The following NDUFAF5 variants were observed in gnomAD, a reference collection of about 807,000 sequenced individuals.
NDUFAF5 encodes arginine-hydroxylase NDUFAF5, mitochondrial.
NDUFAF5 carries 34 observed loss-of-function variants against 48.9 expected under a neutral mutation model. That is an observed-to-expected ratio of 0.70 (90% CI 0.53 to 0.93). The LOEUF (loss-of-function observed/expected upper bound fraction) is 0.93. Among genes scored for constraint, NDUFAF5 ranks in the 40% least tolerant of loss-of-function variants. NDUFAF5 has a pLI of 0.00. For missense variants in NDUFAF5, 428 were observed against 427.5 expected, an observed-to-expected ratio of 1.00 and a Z score of -0.01; for synonymous variants, 153 against 150.6, an observed-to-expected ratio of 1.02 and a Z score of -0.12.
At chr20:13,804,028 C>T (rs138647786) in intron 7 of NDUFAF5, among the ~76,000 whole-genome samples, 1,734 of 152,216 alleles carry the variant, frequency 0.011, 31 homozygotes, top group African/African-American at 0.04. Flanking sequence ...TCAAGTGATC[C>T]GCCCACCTCA....
intron 7 of NDUFAF5, among the ~76,000 whole-genome samples, chr20:13,805,438 T>C (rs1984856567): frequency 6.6e-6 from 1 of 152,204 alleles, no homozygotes; most frequent in Non-Finnish European, 1.5e-5. Flanking sequence ...TTGGGAAATA[T>C]AATTCAGAAT....
At chr20:13,795,283 T>G (rs1268583021) in intron 5 of NDUFAF5, among the ~76,000 whole-genome samples, 1 of 152,140 alleles carries the variant, frequency 6.6e-6, no homozygotes, top group Non-Finnish European at 1.5e-5. Flanking sequence ...GCTCCTGTAT[T>G]CAAATGTTAG....
At chr20:13,797,041 A>T (rs751352711) in intron 5 of NDUFAF5, among the ~76,000 whole-genome samples, 5 of 152,208 alleles carry the variant, frequency 3.3e-5, no homozygotes, top group Middle Eastern at 3.2e-3. Context: ...GTTTGTTTTT[A>T]TCACCTTAAA....
intron 7 of NDUFAF5, among the ~76,000 whole-genome samples, chr20:13,808,152 GA>G (rs1985345183): frequency 6.6e-6 from 1 of 152,132 alleles, no homozygotes. Flanking sequence ...AGATGGCCTG[GA>G]AAAGGCTCTA....
rs1986950025 is a variant in NDUFAF5, at chr20:13,821,023, A to T, written c.*3813A>T. The T allele has an allele frequency of 6.6e-6, 1 of 152,248 alleles. No individual in the cohort carries two copies. Among genetic ancestry groups the T allele is most frequent in the South Asian group, 2.1e-4 (1 of 4,836 alleles). 9.4% of individuals were successfully genotyped at this position (152,248 alleles called of 1,614,324 possible). ...AATTCTCTACCTGAATACATACATG[A>T]CAGTTATTTTACCATGCTGGTTTAA... On this transcript the variant is annotated 3_prime_UTR_variant, in exon 11 of 11. Transcript: ENST00000378106.
chr20:13,809,285 G>A (rs1985523177), intron 8 of NDUFAF5, among the ~76,000 whole-genome samples: 1 of 152,232 alleles, frequency 6.6e-6, no homozygotes, highest in Non-Finnish European at 1.5e-5. Context: ...ATACAGGAAT[G>A]AAGGTAGTTG....
intron 7 of NDUFAF5, among the ~76,000 whole-genome samples, chr20:13,802,639 C>T (rs911988299): frequency 8.0e-5 from 11 of 136,916 alleles, no homozygotes; most frequent in Admixed American, 1.6e-4. Context: ...CATTGCACTC[C>T]AGCCTGGGCA....
intron 7 of NDUFAF5, among the ~76,000 whole-genome samples, chr20:13,804,669 G>C (rs983848422): frequency 1.3e-5 from 2 of 152,114 alleles, no homozygotes; most frequent in Non-Finnish European, 2.9e-5. Context: ...GCCAATAGTA[G>C]CAATGCTGCA....
chr20:13,798,255 G>A (rs1200090141), intron 5 of NDUFAF5, among the ~76,000 whole-genome samples: 6 of 152,080 alleles, frequency 3.9e-5, no homozygotes, highest in Admixed American at 3.3e-4. Context: ...ATTGACATGG[G>A]GAATTTTCTG....
rs534536292 is a variant in NDUFAF5, at chr20:13,816,246, C to G, written c.779-217C>G. ...TGTGGAGCTGCCTCCTGAAATTTCACTTGCCTGTCTTAATGTTGAAAAAGT... is the reference window on the plus strand; with the variant it reads ...TGTGGAGCTGCCTCCTGAAATTTCAGTTGCCTGTCTTAATGTTGAAAAAGT... On this transcript the variant is annotated intron_variant, in intron 8 of 10. Coordinates refer to ENST00000378106, the MANE Select transcript of NDUFAF5 (RefSeq NM_024120.5). 2.2e-4 allele frequency: 128 copies of G among 594,846 alleles called. 1 individual carries two copies. In the South Asian group the frequency reaches 2.4e-3, roughly 11 times the overall value. The allele number at this position is 594,846 out of a possible 1,614,324, so 36.8% of individuals were successfully genotyped here.
At chr20:13,804,488 CT>C (rs375461108) in intron 7 of NDUFAF5, among the ~76,000 whole-genome samples, 11 of 151,512 alleles carry the variant, frequency 7.3e-5, no homozygotes, top group African/African-American at 2.7e-4. Context: ...ATTTCTGAAA[CT>C]TTTTTTATTA....
In NDUFAF5 at chr20:13,802,034, G is replaced by A. The variant is rs563359294; in HGVS notation, c.717+351G>A. On this transcript the variant is annotated intron_variant, in intron 7 of 10. Transcript: ENST00000378106. ...AGTATTCCAGATGATAGGAAGAAAAGGGGATAAGTAGGGGAACCTGTAATA... is the reference window on the plus strand; with the variant it reads ...AGTATTCCAGATGATAGGAAGAAAAAGGGATAAGTAGGGGAACCTGTAATA... 3.3e-5 allele frequency among the ~76,000 whole-genome samples: 5 copies of A among 152,218 alleles called. No individual in the cohort carries two copies. The East Asian group carries it at 9.7e-4, about 29-fold the overall frequency.
Position 13,793,196 on chromosome 20 carries a change from T to G in NDUFAF5, c.344T>G (p.Phe115Cys), listed in dbSNP as rs1982601023. The change falls in exon 4 of 11, where the codon TTT (phenylalanine) becomes TGT (cysteine). Residue 115 changes from phenylalanine to cysteine, a missense_variant. By Grantham distance (205) the Phe-to-Cys change is radical. Transcript: ENST00000378106. ...CCATTGCAGGAAACTATTGGAAAGT[T>G]TTTCCAAGCTGACATTGCAGAAAAT... ...QYLNKETIGK[F>C]FQADIAENAL... is the part of the protein sequence containing the mutation. 1 of 1,613,870 alleles carries G rather than the reference T, an allele frequency of 6.2e-7. No homozygotes were observed. Among genetic ancestry groups the G allele is most frequent in the African/African-American group, 1.3e-5 (1 of 74,928 alleles).
In NDUFAF5 at chr20:13,817,264, T is replaced by A; in HGVS notation, c.*54T>A. 7.8e-7 allele frequency: 1 copy of A among 1,278,206 alleles called. No homozygotes were observed. The highest frequency in any genetic ancestry group is 1.1e-6 in the Non-Finnish European group (1 of 873,606). The allele number at this position is 1,278,206 out of a possible 1,614,324, so 79.2% of individuals were successfully genotyped here. A position where few individuals can be genotyped will look rare whatever the true frequency, so the allele number is the denominator to read the frequency against. The stretch of plus-strand genomic sequence containing the variant: ...AATTTTCATCAGAAATGGATAGCTT[T>A]AACATCTAAAATTATTATATTTTGA... On this transcript the variant is annotated 3_prime_UTR_variant, in exon 11 of 11. Transcript: ENST00000378106.
chr20:13,788,800 T>G (rs1428668139), intron 3 of NDUFAF5, 148 bp downstream of exon 3: 1 of 589,900 alleles, frequency 1.7e-6, no homozygotes, highest in Non-Finnish European at 3.0e-6. Flanking sequence ...AGTGGTAGAA[T>G]CAATGGTGGT....
rs776352728 is a variant in NDUFAF5, at chr20:13,785,079, C to A, written c.11C>A (p.Pro4Gln). The A allele has an allele frequency of 2.5e-6, 4 of 1,611,744 alleles. No homozygotes were observed. The highest frequency in any genetic ancestry group is 3.4e-6 in the Non-Finnish European group (4 of 1,179,714). Residue 4 changes from proline (P) to glutamine (Q), a missense_variant, in exon 1 of 11, where the codon CCG becomes CAG. Physicochemically the swap from Pro to Gln is moderately conservative, Grantham distance 76. Transcript: ENST00000378106. MLR[P>Q]AGLWRLCRRP... Reference sequence around the variant, plus strand: ...GGGTCGCAGCTGGAGATGCTGCGGCCGGCAGGGCTCTGGCGCTTATGTCGG... The same window carrying A: ...GGGTCGCAGCTGGAGATGCTGCGGCAGGCAGGGCTCTGGCGCTTATGTCGG...
chr20:13,815,182 T>C (rs963330688), intron 8 of NDUFAF5, among the ~76,000 whole-genome samples: 3 of 152,188 alleles, frequency 2.0e-5, no homozygotes, highest in African/African-American at 7.2e-5. Context: ...CAGCGAGAAG[T>C]TGAGCAGAAA....
intron 8 of NDUFAF5, among the ~76,000 whole-genome samples, chr20:13,812,578 A>G (rs1328676350): frequency 3.3e-5 from 5 of 152,232 alleles, no homozygotes; most frequent in Non-Finnish European, 5.9e-5. Flanking sequence ...CTGTTGGAAA[A>G]AGTTACTTCC....
At chr20:13,810,126 G>A (rs1478772952) in intron 8 of NDUFAF5, among the ~76,000 whole-genome samples, 1 of 152,220 alleles carries the variant, frequency 6.6e-6, no homozygotes, top group Admixed American at 6.5e-5. Context: ...GGAGTCAGTT[G>A]TGAATAGGTG....
Sources: allele counts gnomAD v4.1 joint callset (sites outside exome capture counted in the v4.1 genomes callset), GRCh38; gene constraint gnomAD v4.1.1; transcripts MANE v1.5; gene names NCBI Gene and HGNC (gene_info 2026-07-23, HGNC 2026-07-21).